Variants in PRKCE observed in about 807,000 individuals in gnomAD.
The protein encoded by PRKCE is protein kinase C epsilon type.
Under a neutral mutation model 85.4 loss-of-function variants are expected in PRKCE, and 16 were observed. That is an observed-to-expected ratio of 0.19 (90% confidence interval 0.13 to 0.28). The LOEUF (loss-of-function observed/expected upper bound fraction) is 0.28, where lower values mean the gene tolerates loss of function less well. Ranked by LOEUF, PRKCE falls within the 10% of genes least tolerant of loss-of-function variation. The probability of loss-of-function intolerance (pLI) is 1.00; values close to 1 mark genes in which losing one functional copy is unlikely to be tolerated. For synonymous variants in PRKCE, 388 were observed against 371.5 expected, an observed-to-expected ratio of 1.04 and a Z score of -0.51; for missense variants, 573 against 975.2, an observed-to-expected ratio of 0.59 and a Z score of 5.49.
At chr2:45,715,312 C>T (rs1442136593) in intron 1 of PRKCE, among the ~76,000 whole-genome samples, 1 of 152,212 alleles carries the variant, frequency 6.6e-6, no homozygotes, top group Non-Finnish European at 1.5e-5. Context: ...GGCTTAAGCT[C>T]CTTGTGGGAG....
At chr2:45,942,848 T>G (rs575486802) in intron 2 of PRKCE, among the ~76,000 whole-genome samples, 1 of 152,350 alleles carries the variant, frequency 6.6e-6, no homozygotes, top group East Asian at 1.9e-4. Flanking sequence ...AAACTTCATT[T>G]TTAATTAAAC....
chr2:45,980,595 G>A (rs904314331), intron 5 of PRKCE, among the ~76,000 whole-genome samples: 21 of 152,240 alleles, frequency 1.4e-4, no homozygotes, highest in Non-Finnish European at 2.8e-4. Context: ...CCCCTTGGAT[G>A]TTATGCCAAG....
intron 1 of PRKCE, among the ~76,000 whole-genome samples, chr2:45,788,428 G>A (rs56236580): frequency 0.066 from 10,059 of 152,192 alleles, 938 homozygotes; most frequent in African/African-American, 0.21. Context: ...CCCTTCATTA[G>A]AGAATCCTGA....
intron 1 of PRKCE, among the ~76,000 whole-genome samples, chr2:45,724,982 C>T (rs1301910379): frequency 6.6e-6 from 1 of 152,232 alleles, no homozygotes; most frequent in Non-Finnish European, 1.5e-5. Context: ...CTACAATAAA[C>T]AACAGATTTT....
intron 10 of PRKCE, among the ~76,000 whole-genome samples, chr2:46,018,611 T>C (rs1207520243): frequency 2.0e-5 from 3 of 152,262 alleles, no homozygotes; most frequent in Non-Finnish European, 2.9e-5. Context: ...TTATTAATTG[T>C]AGAAATTTTG....
chr2:46,011,373 A>G (rs1393663414), intron 10 of PRKCE, among the ~76,000 whole-genome samples: 1 of 152,194 alleles, frequency 6.6e-6, no homozygotes, highest in Non-Finnish European at 1.5e-5. Context: ...TTTGAATGCC[A>G]GTTTTTCCAC....
intron 1 of PRKCE, among the ~76,000 whole-genome samples, chr2:45,739,185 C>G (rs1016403984): frequency 6.6e-6 from 1 of 152,208 alleles, no homozygotes; most frequent in African/African-American, 2.4e-5. Context: ...GAGAGGGTAT[C>G]TCTCCTGGTA....
At chr2:45,801,426 G>A (rs566557725) in intron 1 of PRKCE, among the ~76,000 whole-genome samples, 38 of 152,270 alleles carry the variant, frequency 2.5e-4, no homozygotes, top group African/African-American at 8.7e-4. Flanking sequence ...ACGGGGACTG[G>A]GGCTGTGCTC....
chr2:46,077,630 G>A (rs141544615), intron 10 of PRKCE, among the ~76,000 whole-genome samples: 7 of 152,286 alleles, frequency 4.6e-5, no homozygotes, highest in African/African-American at 1.7e-4. Context: ...AGTAGAATAA[G>A]GGCTGAAAAC....
rs909930451 is a variant in PRKCE at position 45,895,981 on chromosome 2, C to G, written c.412+52918C>G. Among the ~76,000 whole-genome samples, 1 of 152,122 alleles carries G rather than the reference C, an allele frequency of 6.6e-6. No homozygotes were observed. Among genetic ancestry groups the G allele is most frequent in the African/African-American group, 2.4e-5 (1 of 41,412 alleles). The stretch of plus-strand genomic sequence containing the variant: ...ATGAAGGAGGGCACTTCAGGTAGAG[C>G]GTGGGCACTGCACAATGGTTGTCCT... On this transcript the variant is annotated intron_variant, in intron 2 of 14. Transcript: ENST00000306156. This position sits in a 1 kb window ranked among gnomAD's most constrained non-coding sequence, Gnocchi z 4.8.
chr2:45,808,748 G>A (rs1240985571), intron 1 of PRKCE, among the ~76,000 whole-genome samples: 1 of 152,206 alleles, frequency 6.6e-6, no homozygotes, highest in Non-Finnish European at 1.5e-5. Context: ...ACTGGAAATT[G>A]GTTAGTCCAG....
chr2:46,061,844 TTTTC>T (rs759931896), intron 10 of PRKCE, among the ~76,000 whole-genome samples: 2,368 of 137,446 alleles, frequency 0.017, 11 homozygotes, highest in African/African-American at 0.024. Flanking sequence ...TTTTCTTTTC[TTTTC>T]TTTTCTTTTT....
At chr2:46,019,660 A>G (rs924750357) in intron 10 of PRKCE, among the ~76,000 whole-genome samples, 5 of 152,136 alleles carry the variant, frequency 3.3e-5, no homozygotes, top group African/African-American at 1.2e-4. Context: ...CAATTAGCCT[A>G]TGGTAAAACT....
At chr2:45,740,513 C>T (rs75049673) in intron 1 of PRKCE, among the ~76,000 whole-genome samples, 3,009 of 152,220 alleles carry the variant, frequency 0.02, 96 homozygotes, top group African/African-American at 0.069. Context: ...CCACCTGACA[C>T]GTTCTTTAGG....
chr2:45,849,629 C>A (rs532362267), intron 2 of PRKCE, among the ~76,000 whole-genome samples: 10 of 152,308 alleles, frequency 6.6e-5, no homozygotes, highest in Middle Eastern at 6.8e-3. Flanking sequence ...GTGCCTTACG[C>A]AATAAGATCC....
chr2:45,983,179 A>G (rs1052683303), intron 5 of PRKCE, among the ~76,000 whole-genome samples: 2 of 152,232 alleles, frequency 1.3e-5, no homozygotes, highest in East Asian at 3.8e-4. Context: ...ATCTTGGTCC[A>G]ATGGAAGGAT....
rs578184279 is a variant in PRKCE, at chr2:45,854,575, G to C, written c.412+11512G>C. ...CTATTGAAGGTAAACAAATCGTTGG[G>C]TATTTCTGACCTTCAACAGGATTGC... On this transcript the variant is annotated intron_variant, in intron 2 of 14. Coordinates refer to ENST00000306156, the MANE Select transcript of PRKCE (RefSeq NM_005400.3). Among the ~76,000 whole-genome samples, 33 of 152,324 alleles carry C rather than the reference G, an allele frequency of 2.2e-4. No individual in the cohort carries two copies. The South Asian group carries it at 5.2e-3, about 24-fold the overall frequency.
intron 2 of PRKCE, among the ~76,000 whole-genome samples, chr2:45,948,885 T>C (rs1351678753): frequency 1.3e-5 from 2 of 152,260 alleles, no homozygotes; most frequent in African/African-American, 4.8e-5. Flanking sequence ...GTAACTTGCT[T>C]TTTAAATGGA....
At chr2:46,142,267 C>A (rs544001467) in intron 11 of PRKCE, among the ~76,000 whole-genome samples, 1 of 152,286 alleles carries the variant, frequency 6.6e-6, no homozygotes, top group East Asian at 1.9e-4. Flanking sequence ...ACTGAGAGCC[C>A]AGTGCCAGGC....
Sources: gnomAD v4.1 joint callset for allele counts (sites outside exome capture counted in the v4.1 genomes callset) on GRCh38, gnomAD v4.1.1 for gene constraint, Gnocchi (gnomAD v3.1) non-coding constraint, MANE v1.5 for transcripts, NCBI Gene and HGNC (gene_info 2026-07-23, HGNC 2026-07-21) for gene names.